The following PEX5L variants were observed in gnomAD, a reference collection of about 807,000 sequenced individuals.
PEX5L encodes the protein PEX5-related protein.
PEX5L carries 30 observed loss-of-function variants against 84.0 expected under a neutral mutation model. The ratio of observed to expected loss-of-function variants is 0.36; its 90% CI spans 0.27 to 0.48. PEX5L has a LOEUF of 0.48. PEX5L is among the 20% of genes least tolerant of loss of function. The pLI is 0.99. For synonymous variants in PEX5L, 270 were observed against 283.1 expected (o/e 0.95, Z 0.46); for missense variants, 533 against 754.6 (o/e 0.71, Z 3.44).
intron 14 of PEX5L, among the ~76,000 whole-genome samples, chr3:179,802,547 A>AG (rs1218236480): frequency 0.011 from 1,596 of 150,138 alleles, 24 homozygotes; most frequent in African/African-American, 0.032. Flanking sequence ...AAAAAAAAAA[A>AG]AAAAAAAGAA....
intron 3 of PEX5L, among the ~76,000 whole-genome samples, chr3:179,888,877 A>G (rs1756747313): frequency 6.6e-6 from 1 of 152,022 alleles, no homozygotes; most frequent in Non-Finnish European, 1.5e-5. Context: ...CTATCCTCGC[A>G]TCTCAGTATC....
At chr3:179,848,209 G>A (rs1054003113) in intron 8 of PEX5L, among the ~76,000 whole-genome samples, 1 of 152,034 alleles carries the variant, frequency 6.6e-6, no homozygotes, top group African/African-American at 2.4e-5. Flanking sequence ...GAAAAATATA[G>A]GATTTTGAGC....
Position 179,971,602 on chromosome 3 carries a change from G to T in PEX5L, c.85C>A (p.Gln29Lys). 1 of 1,606,686 alleles carries T rather than the reference G, an allele frequency of 6.2e-7. No individual in the cohort carries two copies. The highest frequency in any genetic ancestry group is 1.1e-5 in the South Asian group (1 of 89,510). ...CGTAAGTATTCACTTACCTGCTTTT[G>T]ATCAACAATTATTTCGAGGTCTTCA... ...SDEDLEIIVD[Q>K]KQGKGSRAAD... The change falls in exon 2 of 15, where the codon CAA becomes AAA. Residue 29 changes from glutamine to lysine, a missense_variant. By Grantham distance (53) the Gln-to-Lys change is moderately conservative. Transcript: ENST00000467460.
intron 12 of PEX5L, 119 bp from the exon 13 acceptor site, chr3:179,808,556 C>T (rs1465917145): frequency 1.7e-6 from 1 of 598,774 alleles, no homozygotes; most frequent in Non-Finnish European, 2.7e-6. Flanking sequence ...GAAAATTTTG[C>T]TTAAAATACC....
Position 180,024,381 on chromosome 3 carries a change from C to CA in PEX5L, c.21+12197dup, listed in dbSNP as rs112285009. On this transcript the variant is annotated intron_variant, in intron 1 of 14. Coordinates refer to ENST00000467460, the MANE Select transcript of PEX5L (RefSeq NM_016559.3). Reference sequence around the variant, plus strand: ...ATATATATATATATATATACACACACAAAAAAAAAAAAAATTAGCCGTGCG... The same window carrying CA: ...ATATATATATATATATATACACACACAAAAAAAAAAAAAAATTAGCCGTGCG... Among the ~76,000 whole-genome samples the CA allele has an allele frequency of 2.1e-3, 210 of 100,886 alleles. 3 individuals are homozygous for CA. Among genetic ancestry groups the CA allele is most frequent in the East Asian group, 6.5e-3 (24 of 3,708 alleles). 66.2% of individuals were successfully genotyped at this position (100,886 alleles called of 152,430 possible).
intron 2 of PEX5L, among the ~76,000 whole-genome samples, chr3:179,968,387 T>C (rs960854813): frequency 1.3e-5 from 2 of 152,122 alleles, no homozygotes; most frequent in Non-Finnish European, 2.9e-5. Context: ...AGGAAATTAA[T>C]GTGTACATGA....
chr3:179,938,186 G>C (rs1775120778), intron 2 of PEX5L, among the ~76,000 whole-genome samples: 2 of 152,142 alleles, frequency 1.3e-5, no homozygotes, highest in Non-Finnish European at 2.9e-5. Flanking sequence ...TTCTCAAATG[G>C]AGATTCATAG....
chr3:179,821,498 T>C (rs2032901795), intron 8 of PEX5L, among the ~76,000 whole-genome samples: 1 of 152,222 alleles, frequency 6.6e-6, no homozygotes. Context: ...TAGATACAAA[T>C]GTTCATGGAA....
Position 179,798,026 on chromosome 3 carries a change from C to G in PEX5L, c.*3802G>C, listed in dbSNP as rs1216629223. ...AAGTTTATGATAAAGAGTTTGGAAG[C>G]TTTTATTATAAAAGTGGGACTAGCT... is the stretch of plus-strand genomic sequence containing the variant. On this transcript the variant is annotated 3_prime_UTR_variant, in exon 15 of 15. Transcript: ENST00000467460. 1 of 152,136 alleles carries G rather than the reference C, an allele frequency of 6.6e-6. No individual in the cohort carries two copies. The highest frequency in any genetic ancestry group is 1.5e-5 in the Non-Finnish European group (1 of 68,022). The allele number at this position is 152,136 out of a possible 1,614,324, so 9.4% of individuals were successfully genotyped here. A position where few individuals can be genotyped will look rare whatever the true frequency, so the allele number is the denominator to read the frequency against.
At chr3:180,008,253 C>T (rs1054358979) in intron 1 of PEX5L, among the ~76,000 whole-genome samples, 1 of 152,204 alleles carries the variant, frequency 6.6e-6, no homozygotes, top group African/African-American at 2.4e-5. Context: ...AGTCTCTTTG[C>T]TAAAACATAA....
At chr3:179,851,996 G>C (rs1024795368) in intron 8 of PEX5L, among the ~76,000 whole-genome samples, 5 of 152,216 alleles carry the variant, frequency 3.3e-5, no homozygotes, top group African/African-American at 1.2e-4. Flanking sequence ...ATGAGGAAGA[G>C]AGTAGTGGAA....
chr3:179,956,342 T>C (rs1171716227), intron 2 of PEX5L, among the ~76,000 whole-genome samples: 1 of 152,202 alleles, frequency 6.6e-6, no homozygotes, highest in Admixed American at 6.5e-5. Flanking sequence ...AAATCTAGAA[T>C]GCTTATAAAA....
chr3:179,797,605 A>AAAAAT lies in PEX5L; in HGVS notation c.*4222_*4223insATTTT, dbSNP rs1553807980. The AAAAAT allele has an allele frequency of 1.7e-4, 15 of 89,158 alleles. No individual in the cohort carries two copies. Among genetic ancestry groups the AAAAAT allele is most frequent in the East Asian group, 1.5e-3 (4 of 2,712 alleles). The allele number at this position is 89,158 out of a possible 1,614,324, so 5.5% of individuals were successfully genotyped here. A position where few individuals can be genotyped will look rare whatever the true frequency, so the allele number is the denominator to read the frequency against. ...AACACTCTTTAAAAAAAAAAAAAAA[A>AAAAAT]ATATATATATATATATATATATATA... On this transcript the variant is annotated 3_prime_UTR_variant, in exon 15 of 15. Coordinates refer to ENST00000467460, the MANE Select transcript of PEX5L (RefSeq NM_016559.3).
At chr3:179,880,199 C>T (rs1013666228) in intron 4 of PEX5L, 76 bp from the exon 5 acceptor site, 2 of 876,924 alleles carry the variant, frequency 2.3e-6, no homozygotes, top group African/African-American at 3.4e-5. Flanking sequence ...CAGTTGGGTA[C>T]AGAAAGATTT....
At chr3:179,862,882 C>T (rs1746704114) in intron 7 of PEX5L, among the ~76,000 whole-genome samples, 2 of 152,072 alleles carry the variant, frequency 1.3e-5, no homozygotes, top group African/African-American at 2.4e-5. Flanking sequence ...ATACCCAAAG[C>T]AATCTTGAGC....
At chr3:179,973,054 C>G (rs1579169255) in intron 1 of PEX5L, 1 of 556,808 alleles carries the variant, frequency 1.8e-6, no homozygotes, top group East Asian at 9.6e-5. Flanking sequence ...TATCATTTTG[C>G]TTTTGTATTC....
intron 2 of PEX5L, among the ~76,000 whole-genome samples, chr3:179,927,210 A>G (rs1771709618): frequency 6.6e-6 from 1 of 152,222 alleles, no homozygotes; most frequent in South Asian, 2.1e-4. Flanking sequence ...GGGTTCTTCC[A>G]AATGGTGAAA....
intron 10 of PEX5L, among the ~76,000 whole-genome samples, chr3:179,813,642 CATGA>C (rs1724782692): frequency 6.7e-6 from 1 of 149,304 alleles, no homozygotes; most frequent in African/African-American, 2.5e-5. Flanking sequence ...GGATTACAGG[CATGA>C]GCCATCCCAC....
intron 2 of PEX5L, among the ~76,000 whole-genome samples, chr3:179,952,040 C>T (rs1050930035): frequency 1.3e-5 from 2 of 152,056 alleles, no homozygotes; most frequent in African/African-American, 4.8e-5. Context: ...TGACTTTTTC[C>T]TCTTAAACTC....
Sources: allele counts gnomAD v4.1 joint callset (sites outside exome capture counted in the v4.1 genomes callset), GRCh38; gene constraint gnomAD v4.1.1; transcripts MANE v1.5; gene names NCBI Gene and HGNC (gene_info 2026-07-23, HGNC 2026-07-21).